Variants in CLEC2A observed in about 807,000 individuals in gnomAD.
The protein encoded by CLEC2A is C-type lectin domain family 2 member A, also known as keratinocyte-associated C-type lectin.
Under a neutral mutation model 18.6 loss-of-function variants are expected in CLEC2A, and 19 were observed. The ratio of observed to expected loss-of-function variants is 1.02; its 90% CI spans 0.71 to 1.50. CLEC2A has a LOEUF of 1.50. CLEC2A is among the 40% of genes most tolerant of loss of function. The pLI is 0.00. For missense variants in CLEC2A, 190 were observed against 207.9 expected (o/e 0.91, Z 0.53); for synonymous variants, 74 against 64.0 (o/e 1.16, Z -0.75).
intron 4 of CLEC2A, among the ~76,000 whole-genome samples, chr12:9,906,161 A>G (rs1007702861): frequency 2.0e-5 from 3 of 151,900 alleles, no homozygotes; most frequent in African/African-American, 7.3e-5. Flanking sequence ...CTGAGACAAG[A>G]TTTCCCTCAT....
chr12:9,892,732 G>GGT, the CLEC2A span, among the ~76,000 whole-genome samples: 5 of 151,682 alleles, frequency 3.3e-5, no homozygotes, highest in Non-Finnish European at 7.4e-5. Flanking sequence ...TTACAGGCAT[G>GGT]GGCCACCATG....
chr12:9,892,917 T>A, the CLEC2A span: 5 of 899,456 alleles, frequency 5.6e-6, no homozygotes, highest in South Asian at 4.2e-5. Flanking sequence ...AAAAAAAAAA[T>A]GAGTTGGAAA....
the CLEC2A span, among the ~76,000 whole-genome samples, chr12:9,885,333 G>GTA: frequency 0.02 from 3,045 of 149,258 alleles, 107 homozygotes; most frequent in African/African-American, 0.069. Flanking sequence ...CATTATTTAA[G>GTA]TATATATATA....
chr12:9,923,198 A>G (rs559782934), intron 2 of CLEC2A, among the ~76,000 whole-genome samples: 18 of 152,222 alleles, frequency 1.2e-4, no homozygotes, highest in Non-Finnish European at 2.5e-4. Flanking sequence ...CAAAGGACTA[A>G]TATCCAGAAT....
At chr12:9,908,520 TC>T (rs1591787179), downstream of CLEC2A, among the ~76,000 whole-genome samples, 1 of 152,218 alleles carries the variant, frequency 6.6e-6, no homozygotes, top group East Asian at 1.9e-4. Flanking sequence ...AGCGGGCTGC[TC>T]CTGAATCTAC....
At chr12:9,915,835 T>A (rs1449540039) in intron 4 of CLEC2A, among the ~76,000 whole-genome samples, 1 of 152,188 alleles carries the variant, frequency 6.6e-6, no homozygotes, top group Non-Finnish European at 1.5e-5. Flanking sequence ...AACCTACACA[T>A]TTTGCATTTG....
At chr12:9,893,322 A>G in the CLEC2A span, 4 of 810,704 alleles carry the variant, frequency 4.9e-6, no homozygotes, top group Admixed American at 5.9e-5. Flanking sequence ...ATGCTAATGT[A>G]TATGAAAAAA....
downstream of CLEC2A, among the ~76,000 whole-genome samples, chr12:9,896,241 A>G (rs940487457): frequency 2.0e-5 from 3 of 152,160 alleles, no homozygotes; most frequent in African/African-American, 7.2e-5. Context: ...TGGAATTCTG[A>G]ATTTTTCATC....
At chr12:9,900,762 C>G (rs554990012) in intron 4 of CLEC2A, among the ~76,000 whole-genome samples, 142 of 152,212 alleles carry the variant, frequency 9.3e-4, no homozygotes, top group African/African-American at 3.4e-3. Flanking sequence ...GGGTATGAGG[C>G]CAGTTTCCCC....
intron 1 of CLEC2A, among the ~76,000 whole-genome samples, chr12:9,929,236 C>G (rs778603667): frequency 2.6e-5 from 4 of 152,080 alleles, no homozygotes; most frequent in Non-Finnish European, 5.9e-5. Flanking sequence ...CCATTGCAAT[C>G]CTTGTCCTTT....
At chr12:9,886,236 C>T in the CLEC2A span, among the ~76,000 whole-genome samples, 3 of 151,868 alleles carry the variant, frequency 2.0e-5, no homozygotes, top group Admixed American at 2.0e-4. Flanking sequence ...TAAAATTTGT[C>T]CTTGGGTTTT....
chr12:9,897,042 T>C (rs1197425811), downstream of CLEC2A, among the ~76,000 whole-genome samples: 1 of 152,094 alleles, frequency 6.6e-6, no homozygotes, highest in Non-Finnish European at 1.5e-5. Context: ...GTATTTTTAG[T>C]AGAGACGAGG....
At chr12:9,926,576 T>C (rs1863276095) in intron 1 of CLEC2A, among the ~76,000 whole-genome samples, 1 of 151,604 alleles carries the variant, frequency 6.6e-6, no homozygotes, top group Non-Finnish European at 1.5e-5. Context: ...AATCACTGAG[T>C]TTTGGGGGAA....
At chr12:9,919,481 C>G (rs906784630) in intron 3 of CLEC2A, among the ~76,000 whole-genome samples, 1 of 152,184 alleles carries the variant, frequency 6.6e-6, no homozygotes, top group Non-Finnish European at 1.5e-5. Context: ...TTTGCTCCTT[C>G]ATTAGTCTGA....
downstream of CLEC2A, chr12:9,895,747 G>A: frequency 1.3e-6 from 2 of 1,535,902 alleles, no homozygotes; most frequent in Non-Finnish European, 1.7e-6. Flanking sequence ...AGGAAACTGG[G>A]TGTATTCTGA....
intron 4 of CLEC2A, among the ~76,000 whole-genome samples, chr12:9,905,559 G>A (rs1012061822): frequency 1.3e-5 from 2 of 152,152 alleles, no homozygotes; most frequent in Non-Finnish European, 2.9e-5. Flanking sequence ...TTTTTGATGG[G>A]CAGTTCAGTT....
At chr12:9,887,730 T>G in the CLEC2A span, among the ~76,000 whole-genome samples, 3 of 152,010 alleles carry the variant, frequency 2.0e-5, no homozygotes, top group Admixed American at 6.5e-5. Context: ...AAGAGTTTTT[T>G]TTTTTTTTTT....
rs2137053518 is a variant in CLEC2A at position 9,926,306 on chromosome 12, C to T, written c.93G>A (p.Met31Ile). Residue 31 changes from methionine to isoleucine, a missense_variant, in exon 2 of 5, where the codon ATG becomes ATA. Met to Ile is a conservative substitution (Grantham distance 10). Coordinates refer to ENST00000455827, the MANE Select transcript of CLEC2A (RefSeq NM_001130711.2). Reference protein sequence around the residue: ...KLIQNWKIGLMCFLSIIITTV... With the variant: ...KLIQNWKIGLICFLSIIITTV... Reference sequence around the variant, plus strand: ...TAGTAATAATAATACTCAGGAAGCACATAAGGCCAATCTTCCAGTTTTGTA... The same window carrying T: ...TAGTAATAATAATACTCAGGAAGCATATAAGGCCAATCTTCCAGTTTTGTA... 9.0e-6 allele frequency: 14 copies of T among 1,550,074 alleles called. No homozygotes were observed. The highest frequency in any genetic ancestry group is 1.2e-5 in the Non-Finnish European group (14 of 1,145,674).
At chr12:9,894,487 C>T (rs1324752343), downstream of CLEC2A, among the ~76,000 whole-genome samples, 1 of 152,120 alleles carries the variant, frequency 6.6e-6, no homozygotes, top group African/African-American at 2.4e-5. Context: ...CAGCCTGATA[C>T]CTGCTTCTTT....
Sources: allele counts gnomAD v4.1 joint callset (sites outside exome capture counted in the v4.1 genomes callset), GRCh38; gene constraint gnomAD v4.1.1; transcripts MANE v1.5; gene names NCBI Gene and HGNC (gene_info 2026-07-23, HGNC 2026-07-21).